Variants in IL1RAPL2 observed in about 807,000 individuals in gnomAD.
IL1RAPL2 encodes the protein interleukin 1 receptor accessory protein like 2, also known as X-linked interleukin-1 receptor accessory protein-like 2.
In IL1RAPL2, 3 loss-of-function variants were observed where a neutral mutation model predicts 44.1. The ratio of observed to expected loss-of-function variants is 0.07; its 90% CI spans 0.03 to 0.18. The LOEUF is 0.18. Among genes scored for constraint, IL1RAPL2 ranks in the 10% least tolerant of loss-of-function variants. IL1RAPL2 has a pLI of 1.00. For missense variants in IL1RAPL2, 391 were observed against 496.4 expected, an observed-to-expected ratio of 0.79 and a Z score of 2.02; for synonymous variants, 181 against 178.8, an observed-to-expected ratio of 1.01 and a Z score of -0.10.
chrX:104,632,824 C>A (rs1358417964), intron 1 of IL1RAPL2, among the ~76,000 whole-genome samples: 7 of 109,319 alleles, frequency 6.4e-5, no homozygotes, highest in Admixed American at 4.0e-4. Flanking sequence ...TATTTGAATA[C>A]CCTTTATTTC....
intron 6 of IL1RAPL2, among the ~76,000 whole-genome samples, chrX:105,665,964 G>A (rs1161677162): frequency 1.5e-4 from 16 of 108,238 alleles, no homozygotes; most frequent in Non-Finnish European, 2.9e-4. Context: ...GGGTTTCACC[G>A]TCTTAACCAG....
intron 5 of IL1RAPL2, among the ~76,000 whole-genome samples, chrX:105,423,790 C>A (rs1344368910): frequency 9.2e-6 from 1 of 108,932 alleles, no homozygotes; most frequent in Non-Finnish European, 1.9e-5. Context: ...TGGGAGCGAA[C>A]TCAAACTCCA....
At chrX:105,691,573 T>A (rs5916945) in intron 6 of IL1RAPL2, among the ~76,000 whole-genome samples, 22,467 of 111,140 alleles carry the variant, frequency 0.2, 2,274 homozygotes, top group Non-Finnish European at 0.31. Flanking sequence ...GTCAGCATAG[T>A]TCTATTGCCA....
chrX:104,776,865 A>G (rs1314501973), intron 2 of IL1RAPL2, among the ~76,000 whole-genome samples: 4 of 111,522 alleles, frequency 3.6e-5, no homozygotes, highest in Non-Finnish European at 7.5e-5. Flanking sequence ...TCATTGAGCA[A>G]ATTCTGCATA....
intron 5 of IL1RAPL2, among the ~76,000 whole-genome samples, chrX:105,345,668 G>A (rs1026978987): frequency 1.8e-5 from 2 of 110,628 alleles, no homozygotes; most frequent in South Asian, 7.7e-4. Context: ...ATTTTTTTAG[G>A]CCATCCACCA....
chrX:105,757,620 T>C (rs1284027894), intron 10 of IL1RAPL2, among the ~76,000 whole-genome samples: 1 of 111,607 alleles, frequency 9.0e-6, no homozygotes, highest in Non-Finnish European at 1.9e-5. Context: ...AGTAGGGGCT[T>C]GGATCTTGGG....
At chrX:105,458,441 C>A (rs1240816166) in intron 5 of IL1RAPL2, among the ~76,000 whole-genome samples, 1 of 111,563 alleles carries the variant, frequency 9.0e-6, no homozygotes, top group African/African-American at 3.2e-5. Context: ...CATAGATAAA[C>A]CTTAAAATAT....
At chrX:104,735,831 C>T (rs1454045613) in intron 2 of IL1RAPL2, among the ~76,000 whole-genome samples, 1 of 111,474 alleles carries the variant, frequency 9.0e-6, no homozygotes, top group East Asian at 2.8e-4. Context: ...AGCTGTGATA[C>T]ACGATGTTAG....
chrX:105,203,191 C>A (rs1218981626), intron 3 of IL1RAPL2, among the ~76,000 whole-genome samples: 1 of 112,299 alleles, frequency 8.9e-6, no homozygotes, highest in Non-Finnish European at 1.9e-5. Flanking sequence ...CATGTGTACA[C>A]CAGATTCTAT....
chrX:104,696,002 T>TA (rs1190122361), intron 2 of IL1RAPL2, among the ~76,000 whole-genome samples: 4 of 111,027 alleles, frequency 3.6e-5, no homozygotes, highest in Non-Finnish European at 5.7e-5. Context: ...GAGACGGGGT[T>TA]TCACCATGTT....
chrX:105,564,557 C>A (rs953364313), intron 6 of IL1RAPL2, among the ~76,000 whole-genome samples: 15 of 112,367 alleles, frequency 1.3e-4, no homozygotes, highest in African/African-American at 4.8e-4. Context: ...AAGCTGTCAG[C>A]CTTAATGAAA....
intron 6 of IL1RAPL2, among the ~76,000 whole-genome samples, chrX:105,492,622 A>AGTG (rs1379695386): frequency 1.3e-4 from 14 of 109,321 alleles, no homozygotes; most frequent in South Asian, 7.8e-4. Context: ...TAGTAGTGGC[A>AGTG]GTGGTGGTGG....
intron 2 of IL1RAPL2, among the ~76,000 whole-genome samples, chrX:104,700,950 T>TA (rs1931264432): frequency 8.9e-6 from 1 of 111,965 alleles, no homozygotes; most frequent in African/African-American, 3.2e-5. Context: ...TATGTATTTG[T>TA]AAAAAACAAT....
chrX:104,846,345 C>G (rs1239122827), intron 2 of IL1RAPL2, among the ~76,000 whole-genome samples: 2 of 109,891 alleles, frequency 1.8e-5, no homozygotes, highest in South Asian at 4.0e-4. Context: ...ATCCCTCCCC[C>G]CTCTCCCCAC....
intron 2 of IL1RAPL2, among the ~76,000 whole-genome samples, chrX:105,094,122 A>C (rs1303450581): frequency 9.0e-6 from 1 of 111,600 alleles, no homozygotes; most frequent in African/African-American, 3.3e-5. Flanking sequence ...ATCTTGCATT[A>C]TGGGGTCAAT....
chrX:105,077,756 T>C (rs1477184355), intron 2 of IL1RAPL2, among the ~76,000 whole-genome samples: 4 of 111,797 alleles, frequency 3.6e-5, no homozygotes, highest in African/African-American at 1.3e-4. Flanking sequence ...TTTATTCTTT[T>C]TTTGTCTAAA....
At chrX:105,313,255 C>G (rs2034812358) in intron 5 of IL1RAPL2, among the ~76,000 whole-genome samples, 1 of 111,687 alleles carries the variant, frequency 9.0e-6, no homozygotes. Context: ...AAAGATCTTG[C>G]TTAGAATTTG....
intron 2 of IL1RAPL2, among the ~76,000 whole-genome samples, chrX:104,836,623 T>C (rs5917153): frequency 0.49 from 54,239 of 109,940 alleles, 9,999 homozygotes; most frequent in African/African-American, 0.62. Flanking sequence ...AGAAATAATG[T>C]ATCCTATATA....
chrX:105,376,828 T>C (rs1602383963), intron 5 of IL1RAPL2, among the ~76,000 whole-genome samples: 1 of 112,074 alleles, frequency 8.9e-6, no homozygotes, highest in African/African-American at 3.2e-5. Context: ...TTTTGTCTTA[T>C]TGAACAATCT....
Sources: allele counts gnomAD v4.1 joint callset (sites outside exome capture counted in the v4.1 genomes callset), GRCh38; gene constraint gnomAD v4.1.1; transcripts MANE v1.5; gene names NCBI Gene and HGNC (gene_info 2026-07-23, HGNC 2026-07-21).